Variants in ZFPM2 observed in about 807,000 individuals in gnomAD.
The protein encoded by ZFPM2 is zinc finger protein ZFPM2.
A neutral mutation model predicts 98.6 loss-of-function variants in ZFPM2; 20 were observed. The observed-to-expected ratio is 0.20, with a 90% confidence interval of 0.14 to 0.29. The LOEUF is 0.29. Ranked by LOEUF, ZFPM2 falls within the 10% of genes least tolerant of loss-of-function variation. The pLI, the probability that ZFPM2 is intolerant of heterozygous loss-of-function variation, is 1.00. For synonymous variants in ZFPM2, 518 were observed against 502.7 expected (o/e 1.03, Z -0.41); for missense variants, 1,310 against 1,388.6 (o/e 0.94, Z 0.90).
chr8:105,747,780 T>G (rs1423182766), intron 5 of ZFPM2, among the ~76,000 whole-genome samples: 2 of 152,070 alleles, frequency 1.3e-5, no homozygotes, highest in Non-Finnish European at 2.9e-5. Context: ...GAAAAGGAAG[T>G]GATTCAGAAG....
intron 5 of ZFPM2, among the ~76,000 whole-genome samples, chr8:105,746,074 C>A (rs1812336529): frequency 1.3e-5 from 2 of 152,034 alleles, no homozygotes; most frequent in African/African-American, 2.4e-5. Flanking sequence ...TCCTGCCCAA[C>A]AATGCTTATT....
At chr8:105,613,260 A>C (rs1240989041) in intron 4 of ZFPM2, among the ~76,000 whole-genome samples, 1 of 152,008 alleles carries the variant, frequency 6.6e-6, no homozygotes, top group Non-Finnish European at 1.5e-5. Flanking sequence ...AAGGGAGAGG[A>C]GAGTGGGGAG....
At chr8:105,339,769 C>T (rs143204626) in intron 1 of ZFPM2, among the ~76,000 whole-genome samples, 1 of 152,038 alleles carries the variant, frequency 6.6e-6, no homozygotes, top group African/African-American at 2.4e-5. Context: ...CTCTCATTCA[C>T]GTTGTGTCTC....
intron 6 of ZFPM2, 41 bp downstream of exon 6, chr8:105,788,965 G>A (rs774428925): frequency 2.0e-6 from 3 of 1,466,986 alleles, no homozygotes; most frequent in Non-Finnish European, 2.8e-6. Flanking sequence ...TAGAGGTGAT[G>A]GGAATTTATG....
At chr8:105,619,780 T>G (rs1816496160) in intron 4 of ZFPM2, among the ~76,000 whole-genome samples, 1 of 146,140 alleles carries the variant, frequency 6.8e-6, no homozygotes, top group African/African-American at 2.5e-5. Context: ...GAACATGCGG[T>G]GTTTGGTTTT....
At chr8:105,371,164 G>C (rs1016098668) in intron 1 of ZFPM2, among the ~76,000 whole-genome samples, 4 of 151,842 alleles carry the variant, frequency 2.6e-5, no homozygotes, top group Admixed American at 2.0e-4. Flanking sequence ...TTGTTTCTCT[G>C]TGTGTGTGTG....
chr8:105,409,014 G>A (rs922559028), intron 1 of ZFPM2, among the ~76,000 whole-genome samples: 19 of 151,964 alleles, frequency 1.3e-4, no homozygotes, highest in African/African-American at 4.1e-4. Context: ...TAAGGTATTG[G>A]AGTGAGGAAT....
intron 1 of ZFPM2, among the ~76,000 whole-genome samples, chr8:105,412,994 T>C (rs1461185216): frequency 6.6e-6 from 1 of 151,896 alleles, no homozygotes; most frequent in Admixed American, 6.6e-5. Flanking sequence ...GCTAGAAACG[T>C]TCCTACTGCA....
At chr8:105,792,079 C>T (rs1408831348) in intron 6 of ZFPM2, among the ~76,000 whole-genome samples, 1 of 152,024 alleles carries the variant, frequency 6.6e-6, no homozygotes, top group Non-Finnish European at 1.5e-5. Context: ...TTTTTTGTGT[C>T]TCTATTTCCT....
At chr8:105,744,712 C>A (rs1335980717) in intron 5 of ZFPM2, among the ~76,000 whole-genome samples, 1 of 116,538 alleles carries the variant, frequency 8.6e-6, no homozygotes, top group Non-Finnish European at 1.8e-5. Context: ...CTTAGATAAG[C>A]GTAGGGTGAA....
At chr8:105,530,456 G>A (rs1398782805) in intron 3 of ZFPM2, among the ~76,000 whole-genome samples, 1 of 152,096 alleles carries the variant, frequency 6.6e-6, no homozygotes, top group Non-Finnish European at 1.5e-5. Flanking sequence ...TCACAGATCG[G>A]GAGGCTAGAA....
chr8:105,423,055 GT>G (rs1306315181), intron 2 of ZFPM2, among the ~76,000 whole-genome samples: 1 of 127,928 alleles, frequency 7.8e-6, no homozygotes, highest in Non-Finnish European at 1.5e-5. Flanking sequence ...TGAAGGGCAA[GT>G]TTTTCTAGTC....
At chr8:105,364,583 C>CT (rs1225045949) in intron 1 of ZFPM2, among the ~76,000 whole-genome samples, 1 of 150,984 alleles carries the variant, frequency 6.6e-6, no homozygotes, top group Admixed American at 6.6e-5. Context: ...AACCTCCAAA[C>CT]TTTTTTATAA....
chr8:105,494,677 C>T lies in ZFPM2; in HGVS notation c.301+50296C>T, dbSNP rs531626861. Reference sequence around the variant, plus strand: ...TTATCTGGGAACTTGTTAGAAAATTCTTAGGTACCATCCCAGACTTACCGA... The same window carrying T: ...TTATCTGGGAACTTGTTAGAAAATTTTTAGGTACCATCCCAGACTTACCGA... On this transcript the variant is annotated intron_variant, in intron 3 of 7. Transcript: ENST00000407775. 6.6e-5 allele frequency among the ~76,000 whole-genome samples: 10 copies of T among 152,222 alleles called. No individual in the cohort carries two copies. The East Asian group carries it at 1.9e-3, about 29-fold the overall frequency.
intron 3 of ZFPM2, among the ~76,000 whole-genome samples, chr8:105,445,515 A>C (rs1225727199): frequency 6.6e-6 from 1 of 152,276 alleles, no homozygotes; most frequent in Non-Finnish European, 1.5e-5. Flanking sequence ...CGATTAAAAA[A>C]AAAAGTAGGG....
At chr8:105,518,236 C>A (rs1813978246) in intron 3 of ZFPM2, among the ~76,000 whole-genome samples, 1 of 151,518 alleles carries the variant, frequency 6.6e-6, no homozygotes, top group African/African-American at 2.4e-5. Context: ...TGTTTACAAC[C>A]CATGCCTACA....
rs535010285 is a variant in ZFPM2 at position 105,693,656 on chromosome 8, G to A, written c.532+59299G>A. ...TTTTAAATTTTTTTGAATTCCAATA[G>A]GCCATATATTTTCTATATGGACAGC... is the stretch of plus-strand genomic sequence containing the variant. On this transcript the variant is annotated intron_variant, in intron 5 of 7. Transcript: ENST00000407775. 1.2e-4 allele frequency among the ~76,000 whole-genome samples: 18 copies of A among 152,006 alleles called. No individual in the cohort carries two copies. In the East Asian group the frequency reaches 3.1e-3, roughly 26 times the overall value.
intron 1 of ZFPM2, among the ~76,000 whole-genome samples, chr8:105,356,160 T>C (rs913684295): frequency 2.0e-5 from 3 of 152,232 alleles, no homozygotes; most frequent in Non-Finnish European, 4.4e-5. Context: ...ATCCTGTAAT[T>C]CAAACTTTCT....
At chr8:105,440,553 G>A (rs950506198) in intron 2 of ZFPM2, among the ~76,000 whole-genome samples, 16 of 152,128 alleles carry the variant, frequency 1.1e-4, no homozygotes, top group Non-Finnish European at 1.2e-4. Flanking sequence ...TTAACTAAAG[G>A]CATTTTGGTG....
Sources: allele counts gnomAD v4.1 joint callset (sites outside exome capture counted in the v4.1 genomes callset), GRCh38; gene constraint gnomAD v4.1.1; transcripts MANE v1.5; gene names NCBI Gene and HGNC (gene_info 2026-07-23, HGNC 2026-07-21).